The following RPS6KA2 variants were observed in gnomAD, a reference collection of about 807,000 sequenced individuals.
RPS6KA2 encodes ribosomal protein S6 kinase alpha-2.
Under a neutral mutation model 91.8 loss-of-function variants are expected in RPS6KA2, and 42 were observed. That is an observed-to-expected ratio of 0.46 (90% confidence interval 0.36 to 0.59). RPS6KA2 has a LOEUF of 0.59. Ranked by LOEUF, RPS6KA2 falls within the 20% of genes least tolerant of loss-of-function variation. RPS6KA2 has a pLI of 0.00. For synonymous variants in RPS6KA2, 414 were observed against 393.6 expected (o/e 1.05, Z -0.61); for missense variants, 798 against 978.5 (o/e 0.82, Z 2.46).
In RPS6KA2 at chr6:166,528,884, G is replaced by C. The variant is rs1477736537; in HGVS notation, c.298+2348C>G. Among the ~76,000 whole-genome samples the C allele has an allele frequency of 1.2e-4, 18 of 152,186 alleles. No homozygotes were observed. In the East Asian group the frequency reaches 2.9e-3, roughly 25 times the overall value. ...AACCACAATGAGATACCATCTCACA[G>C]CAGTTAGAATGGTGATCATTAAAAA... On this transcript the variant is annotated intron_variant, in intron 3 of 20. Transcript: ENST00000265678.
chr6:166,845,022 AT>A (rs1276072692), intron 2 of RPS6KA2, among the ~76,000 whole-genome samples: 1 of 152,172 alleles, frequency 6.6e-6, no homozygotes, highest in East Asian at 1.9e-4. Context: ...TGGAAAAGAT[AT>A]TCCATGAAAA....
chr6:166,778,079 C>A (rs112451156), intron 2 of RPS6KA2, among the ~76,000 whole-genome samples: 3 of 152,206 alleles, frequency 2.0e-5, no homozygotes, highest in Non-Finnish European at 4.4e-5. Context: ...ATTTTGAAGG[C>A]TGAAGGACAG....
chr6:166,650,714 T>C (rs985769132), intron 2 of RPS6KA2, among the ~76,000 whole-genome samples: 1 of 152,198 alleles, frequency 6.6e-6, no homozygotes, highest in Non-Finnish European at 1.5e-5. Flanking sequence ...AAAACTCAAA[T>C]TGTTGGCTTC....
chr6:166,599,712 G>C (rs971537273), intron 1 of RPS6KA2, among the ~76,000 whole-genome samples: 30 of 152,226 alleles, frequency 2.0e-4, no homozygotes, highest in Admixed American at 2.0e-3. Flanking sequence ...CAAATAAGCT[G>C]TAGGGGGAGG....
chr6:166,677,962 T>C (rs946039469), intron 2 of RPS6KA2, among the ~76,000 whole-genome samples: 4 of 152,250 alleles, frequency 2.6e-5, no homozygotes, highest in Admixed American at 1.3e-4. Context: ...CAAATGAGTG[T>C]GACTGTCACT....
intron 2 of RPS6KA2, among the ~76,000 whole-genome samples, chr6:166,682,529 G>A (rs1469583798): frequency 6.6e-6 from 1 of 152,188 alleles, no homozygotes; most frequent in Non-Finnish European, 1.5e-5. Flanking sequence ...CGAGGGCAGG[G>A]CCAACATGTC....
chr6:166,428,777 T>C (rs867796936), intron 16 of RPS6KA2, among the ~76,000 whole-genome samples: 2 of 152,094 alleles, frequency 1.3e-5, no homozygotes, highest in African/African-American at 4.8e-5. Context: ...ATTAAAAAGT[T>C]AGGAAACAAC....
intron 2 of RPS6KA2, among the ~76,000 whole-genome samples, chr6:166,721,444 T>A (rs1790171310): frequency 6.6e-6 from 1 of 152,154 alleles, no homozygotes; most frequent in Non-Finnish European, 1.5e-5. Context: ...CATTGCCACA[T>A]CCCTCCCTTG....
At chr6:166,455,771 G>A (rs1780084583) in intron 12 of RPS6KA2, among the ~76,000 whole-genome samples, 1 of 152,186 alleles carries the variant, frequency 6.6e-6, no homozygotes, top group African/African-American at 2.4e-5. Context: ...GTCTGGCTTT[G>A]AGGTCTGCCT....
intron 3 of RPS6KA2, among the ~76,000 whole-genome samples, chr6:166,519,954 G>A (rs1230966491): frequency 3.3e-5 from 5 of 152,116 alleles, no homozygotes; most frequent in African/African-American, 9.7e-5. Flanking sequence ...GTGTGAGGGC[G>A]TTTCTGGAAG....
intron 3 of RPS6KA2, among the ~76,000 whole-genome samples, chr6:166,510,599 A>ATATATATG: frequency 9.2e-6 from 1 of 108,280 alleles, no homozygotes; most frequent in Non-Finnish European, 1.9e-5. Flanking sequence ...ATATATATAT[A>ATATATATG]TATATATATA....
At chr6:166,701,909 T>A (rs1198439605) in intron 2 of RPS6KA2, 6 of 1,110,264 alleles carry the variant, frequency 5.4e-6, no homozygotes, top group Non-Finnish European at 8.3e-6. Context: ...GATTTTAGTG[T>A]CTGTGTCTTG....
At chr6:166,705,009 T>G (rs765231499) in intron 2 of RPS6KA2, among the ~76,000 whole-genome samples, 1 of 152,214 alleles carries the variant, frequency 6.6e-6, no homozygotes, top group Non-Finnish European at 1.5e-5. Context: ...GCACCATATT[T>G]TCTCAAAGCC....
chr6:166,511,447 C>G (rs1446382245), intron 3 of RPS6KA2, among the ~76,000 whole-genome samples: 1 of 152,188 alleles, frequency 6.6e-6, no homozygotes, highest in Non-Finnish European at 1.5e-5. Context: ...GCTACATATT[C>G]TTCTTAGTGC....
intron 2 of RPS6KA2, among the ~76,000 whole-genome samples, chr6:166,837,731 G>A (rs1263686605): frequency 6.6e-6 from 1 of 152,176 alleles, no homozygotes; most frequent in Non-Finnish European, 1.5e-5. Flanking sequence ...GCTGCCACCT[G>A]GCCGCCCTGC....
chr6:166,520,061 G>A (rs1051349550), intron 3 of RPS6KA2, among the ~76,000 whole-genome samples: 2 of 152,190 alleles, frequency 1.3e-5, no homozygotes, highest in African/African-American at 4.8e-5. Context: ...GAACAAAAAA[G>A]CAGTGGGAGA....
intron 2 of RPS6KA2, among the ~76,000 whole-genome samples, chr6:166,757,125 G>A (rs1331811845): frequency 2.0e-5 from 3 of 152,136 alleles, no homozygotes; most frequent in Admixed American, 2.0e-4. Flanking sequence ...CTCTTGAAGA[G>A]TTGGTTCTCT....
rs986399962 is a variant in RPS6KA2, at chr6:166,603,218, C to T, written c.99+23703G>A. 3.3e-5 allele frequency among the ~76,000 whole-genome samples: 5 copies of T among 152,226 alleles called. No individual in the cohort carries two copies. The highest frequency in any genetic ancestry group is 1.2e-4 in the African/African-American group (5 of 41,450). The stretch of plus-strand genomic sequence containing the variant: ...CTTCCCTCTGCTACTTCCCTGTCTG[C>T]GGTCTCTGCGTGACACAAGTTATGG... On this transcript the variant is annotated intron_variant, in intron 1 of 20. Transcript: ENST00000265678. The surrounding 1 kb of genome is among the most constrained non-coding windows in gnomAD (Gnocchi z 4.3).
intron 2 of RPS6KA2, among the ~76,000 whole-genome samples, chr6:166,700,720 A>G (rs6935464): frequency 0.51 from 77,680 of 151,800 alleles, 21,566 homozygotes; most frequent in African/African-American, 0.73. Context: ...GGATTTAGGA[A>G]CAATCTATTT....
Sources: allele counts gnomAD v4.1 joint callset (sites outside exome capture counted in the v4.1 genomes callset), GRCh38; gene constraint gnomAD v4.1.1; non-coding constraint Gnocchi (gnomAD v3.1); transcripts MANE v1.5; gene names NCBI Gene and HGNC (gene_info 2026-07-23, HGNC 2026-07-21).